Variants in PIK3C2G observed in about 807,000 individuals in gnomAD.
The protein encoded by PIK3C2G is phosphatidylinositol-4-phosphate 3-kinase catalytic subunit type 2 gamma, also known as phosphatidylinositol 3-kinase C2 domain-containing subunit gamma.
PIK3C2G carries 168 observed loss-of-function variants against 181.1 expected under a neutral mutation model. The ratio of observed to expected loss-of-function variants is 0.93; its 90% CI spans 0.82 to 1.05. PIK3C2G has a LOEUF of 1.05. Ranked by LOEUF, PIK3C2G falls within the 50% of genes least tolerant of loss-of-function variation. The pLI, the probability that PIK3C2G is intolerant of heterozygous loss-of-function variation, is 0.00. For missense variants in PIK3C2G, 1,869 were observed against 1,732.8 expected, an observed-to-expected ratio of 1.08 and a Z score of -1.40; for synonymous variants, 573 against 592.2, an observed-to-expected ratio of 0.97 and a Z score of 0.47.
Position 18,382,514 on chromosome 12 carries a change from G to C in PIK3C2G, c.1995+634G>C, listed in dbSNP as rs375120247. Among the ~76,000 whole-genome samples, 8 of 152,228 alleles carry C rather than the reference G, an allele frequency of 5.3e-5. No individual in the cohort carries two copies. In the East Asian group the frequency reaches 1.4e-3, roughly 26 times the overall value. On this transcript the variant is annotated intron_variant, in intron 14 of 32. Coordinates refer to ENST00000538779, the MANE Select transcript of PIK3C2G (RefSeq NM_001288772.2). ...ACAGTCTCATACACGGAAATTCATGGAATATGAACTTTTCATCTCTATAGG... is the reference window on the plus strand; with the variant it reads ...ACAGTCTCATACACGGAAATTCATGCAATATGAACTTTTCATCTCTATAGG...
At chr12:18,247,892 C>T (rs572186938) in exon 1 of PIK3C2G, 2 of 152,132 alleles carry the variant, frequency 1.3e-5, no homozygotes, top group African/African-American at 4.8e-5. Flanking sequence ...AAAAGGAAAG[C>T]CTTACCGAGG....
chr12:18,629,470 GA>G (rs1365754562), intron 31 of PIK3C2G, among the ~76,000 whole-genome samples: 2 of 152,114 alleles, frequency 1.3e-5, no homozygotes, highest in African/African-American at 4.8e-5. Context: ...AGGCCCCAAG[GA>G]AGGAACACAA....
chr12:18,282,074 A>C lies in PIK3C2G; in HGVS notation c.-8A>C. The C allele has an allele frequency of 6.4e-7, 1 of 1,553,922 alleles. No individual in the cohort carries two copies. ...AGAGTCAACCCTCTCAGTTACATAAAATAAAAAATGGCATATTCTTGGCAA... is the reference window on the plus strand; with the variant it reads ...AGAGTCAACCCTCTCAGTTACATAACATAAAAAATGGCATATTCTTGGCAA... On this transcript the variant is annotated 5_prime_UTR_variant, in exon 2 of 33. Transcript: ENST00000538779.
intron 7 of PIK3C2G, 118 bp downstream of exon 7, chr12:18,321,150 T>A (rs1230156314): frequency 1.7e-6 from 1 of 602,972 alleles, no homozygotes; most frequent in Non-Finnish European, 2.9e-6. Flanking sequence ...TGGAAGCTAT[T>A]GTACTTTTAA....
intron 24 of PIK3C2G, among the ~76,000 whole-genome samples, chr12:18,513,632 G>T (rs1244438631): frequency 6.6e-6 from 1 of 151,706 alleles, no homozygotes; most frequent in African/African-American, 2.4e-5. Context: ...AGTGGCATCA[G>T]TTATAATGTC....
chr12:18,380,087 G>A (rs557999297), intron 13 of PIK3C2G, among the ~76,000 whole-genome samples: 1 of 152,296 alleles, frequency 6.6e-6, no homozygotes, highest in African/African-American at 2.4e-5. Flanking sequence ...GGAGTGAGAA[G>A]AGGAGCGCCT....
Position 18,538,171 on chromosome 12 carries a change from C to A in PIK3C2G, c.3339C>A (p.Phe1113Leu). The change falls in exon 25 of 33, where the codon TTC becomes TTA. Residue 1113 changes from phenylalanine (F) to leucine (L), a missense_variant. Coordinates refer to ENST00000538779, the MANE Select transcript of PIK3C2G (RefSeq NM_001288772.2). ...TGGTTTACAGGGACCGAGCTCCTTT[C>A]ATTTTTACTTCAGAGATGGAATACT... ...FGGIKRDRAP[F>L]IFTSEMEYFI... The A allele has an allele frequency of 1.2e-6, 2 of 1,611,366 alleles. No homozygotes were observed. The highest frequency in any genetic ancestry group is 1.7e-6 in the Non-Finnish European group (2 of 1,178,682).
intron 12 of PIK3C2G, among the ~76,000 whole-genome samples, chr12:18,364,786 C>G (rs796346613): frequency 8.6e-5 from 13 of 152,012 alleles, no homozygotes; most frequent in African/African-American, 3.1e-4. Context: ...TAATCCCAGC[C>G]ACACGGGAGG....
intron 18 of PIK3C2G, among the ~76,000 whole-genome samples, chr12:18,474,800 A>G (rs1319776721): frequency 6.6e-6 from 1 of 152,164 alleles, no homozygotes; most frequent in Non-Finnish European, 1.5e-5. Context: ...ATTCAAATAA[A>G]TGATTTTTAA....
chr12:18,395,173 C>T (rs956725550), intron 15 of PIK3C2G, among the ~76,000 whole-genome samples: 5 of 149,578 alleles, frequency 3.3e-5, no homozygotes, highest in African/African-American at 1.2e-4. Flanking sequence ...ACAACAAACA[C>T]CCCCAGGTAC....
chr12:18,645,143 G>A (rs1356020280), intron 32 of PIK3C2G, among the ~76,000 whole-genome samples: 2 of 150,562 alleles, frequency 1.3e-5, no homozygotes, highest in Admixed American at 1.3e-4. Flanking sequence ...TTTATTTTTG[G>A]TTCTGAGTAT....
At chr12:18,412,013 A>T (rs1425706359) in intron 16 of PIK3C2G, among the ~76,000 whole-genome samples, 1 of 152,164 alleles carries the variant, frequency 6.6e-6, no homozygotes, top group East Asian at 1.9e-4. Context: ...CTTGAAAAAT[A>T]TATTTTTCTG....
intron 10 of PIK3C2G, among the ~76,000 whole-genome samples, chr12:18,345,817 A>C (rs1285428828): frequency 1.3e-5 from 2 of 151,992 alleles, no homozygotes; most frequent in East Asian, 1.9e-4. Context: ...ATGTTTTAAA[A>C]GCAACTTATA....
At chr12:18,509,759 A>T (rs1260814273) in intron 24 of PIK3C2G, among the ~76,000 whole-genome samples, 4 of 152,192 alleles carry the variant, frequency 2.6e-5, no homozygotes, top group Non-Finnish European at 5.9e-5. Flanking sequence ...AGGATTTCAC[A>T]TCCTGCATAT....
chr12:18,567,748 G>C (rs115946258), intron 29 of PIK3C2G, among the ~76,000 whole-genome samples: 1 of 152,028 alleles, frequency 6.6e-6, no homozygotes, highest in Admixed American at 6.6e-5. Context: ...AAACCAAAAA[G>C]AAATAGTATT....
At chr12:18,546,290 C>CT in intron 25 of PIK3C2G, 33 bp from the exon 26 acceptor site, 1 of 1,245,916 alleles carries the variant, frequency 8.0e-7, no homozygotes, top group Non-Finnish European at 1.2e-6. Context: ...ATTCTGTCTT[C>CT]TTTTTGCTTT....
intron 26 of PIK3C2G, among the ~76,000 whole-genome samples, chr12:18,555,673 AT>A (rs766904311): frequency 6.6e-6 from 1 of 151,876 alleles, no homozygotes; most frequent in Non-Finnish European, 1.5e-5. Context: ...AATATGTTAC[AT>A]TTTTTTTACC....
downstream of PIK3C2G, among the ~76,000 whole-genome samples, chr12:18,650,293 TTCTCTCTCTCTCTCTCTCTCTCTC>T (rs140285960): frequency 2.3e-5 from 2 of 87,728 alleles, no homozygotes; most frequent in Admixed American, 2.8e-4. Flanking sequence ...TAACCCAAAT[TTCTCTCTCTCTCTCTCTCTCTCTC>T]TCTCTCTCTC....
intron 3 of PIK3C2G, among the ~76,000 whole-genome samples, chr12:18,287,904 G>C (rs572445586): frequency 8.6e-5 from 13 of 151,780 alleles, no homozygotes; most frequent in Admixed American, 3.3e-4. Flanking sequence ...GCTCACGCCT[G>C]TAATCCCAGC....
Sources: gnomAD v4.1 joint callset for allele counts (sites outside exome capture counted in the v4.1 genomes callset) on GRCh38, gnomAD v4.1.1 for gene constraint, MANE v1.5 for transcripts, NCBI Gene and HGNC (gene_info 2026-07-23, HGNC 2026-07-21) for gene names.